COPG2: variants seen among roughly 807,000 people sequenced by gnomAD.
COPG2 encodes coat protein complex I subunit gamma 2.
A neutral mutation model predicts 46.3 loss-of-function variants in COPG2; 37 were observed. The observed-to-expected ratio is 0.80, with a 90% CI of 0.61 to 1.05. The LOEUF (loss-of-function observed/expected upper bound fraction) is 1.05. Ranked by LOEUF, COPG2 falls within the 50% of genes least tolerant of loss-of-function variation. The pLI is 0.00. For synonymous variants in COPG2, 159 were observed against 129.7 expected, an observed-to-expected ratio of 1.23 and a Z score of -1.53; for missense variants, 427 against 387.8, an observed-to-expected ratio of 1.10 and a Z score of -0.85.
chr7:130,530,842 A>C (rs1395869937), intron 20 of COPG2, among the ~76,000 whole-genome samples: 8 of 151,866 alleles, frequency 5.3e-5, no homozygotes, highest in African/African-American at 1.9e-4. Context: ...GGACAGCCAC[A>C]GGTGGAGTGA....
intron 5 of COPG2, among the ~76,000 whole-genome samples, chr7:130,644,901 A>G (rs1479299803): frequency 6.6e-6 from 1 of 151,866 alleles, no homozygotes; most frequent in Non-Finnish European, 1.5e-5. Flanking sequence ...TTCTCTACTA[A>G]AAATACAAAA....
chr7:130,634,928 T>C (rs1795305552), intron 5 of COPG2, among the ~76,000 whole-genome samples: 1 of 151,702 alleles, frequency 6.6e-6, no homozygotes, highest in Non-Finnish European at 1.5e-5. Context: ...AAGGGGTGTT[T>C]AATTTTATCA....
chr7:130,557,827 A>AAAAAAC (rs1793653537), intron 12 of COPG2, among the ~76,000 whole-genome samples: 2 of 147,314 alleles, frequency 1.4e-5, no homozygotes, highest in African/African-American at 5.0e-5. Flanking sequence ...CAAAAAAAAA[A>AAAAAAC]AAAAAAAAAA....
At chr7:130,620,608 A>G (rs2129905) in intron 5 of COPG2, among the ~76,000 whole-genome samples, 64,453 of 152,034 alleles carry the variant, frequency 0.42, 16,577 homozygotes, top group East Asian at 0.59. Context: ...CTGTCCCACC[A>G]CAGTATTTTA....
intron 4 of COPG2, among the ~76,000 whole-genome samples, chr7:130,659,320 A>G (rs1323677815): frequency 1.4e-5 from 2 of 138,586 alleles, no homozygotes; most frequent in Admixed American, 7.5e-5. Context: ...ATGCCATTGC[A>G]CTCCAGCCTG....
intron 14 of COPG2, among the ~76,000 whole-genome samples, chr7:130,553,245 A>T (rs2116390029): frequency 6.6e-6 from 1 of 152,348 alleles, no homozygotes; most frequent in South Asian, 2.1e-4. Context: ...GACTGGCAAT[A>T]AAACAAAATT....
At chr7:130,601,049 A>C (rs1357867849) in intron 9 of COPG2, among the ~76,000 whole-genome samples, 1 of 152,254 alleles carries the variant, frequency 6.6e-6, no homozygotes, top group African/African-American at 2.4e-5. Context: ...TGCTGTGAGA[A>C]CATTCAGGCA....
At chr7:130,513,359 G>GTGTGTGTGTGTA (rs1282542780) in intron 20 of COPG2, among the ~76,000 whole-genome samples, 3 of 36,680 alleles carry the variant, frequency 8.2e-5, no homozygotes, top group African/African-American at 1.9e-4. Context: ...GTGTGTGTGT[G>GTGTGTGTGTGTA]TATATATATA....
At position 130,641,026 on chromosome 7, in the gene COPG2, TA is replaced by T. The variant is rs200500040; in HGVS notation, c.323+11842del. Among the ~76,000 whole-genome samples, 794 of 146,004 alleles carry T rather than the reference TA, an allele frequency of 5.4e-3. 20 individuals carry two copies. The South Asian group carries it at 0.064, about 12-fold the overall frequency. On this transcript the variant is annotated intron_variant, in intron 5 of 23. Transcript: ENST00000425248. ...TATATTAAAATACTAGAACAGAGGT[TA>T]AAAAAAAAAATCAAGTGTTAGAACA...
chr7:130,531,838 T>TG (rs1183263949), intron 20 of COPG2, among the ~76,000 whole-genome samples: 101 of 40,002 alleles, frequency 2.5e-3, no homozygotes, highest in Admixed American at 3.6e-3. Flanking sequence ...TTATCTGGGA[T>TG]GGGGGGGTGG....
intron 9 of COPG2, among the ~76,000 whole-genome samples, chr7:130,578,025 A>G (rs1419874571): frequency 6.6e-6 from 1 of 152,242 alleles, no homozygotes; most frequent in Non-Finnish European, 1.5e-5. Context: ...CTGCCTCTGT[A>G]GGCTCCACCT....
chr7:130,664,095 T>A (rs1554461115), intron 3 of COPG2, among the ~76,000 whole-genome samples: 2 of 152,174 alleles, frequency 1.3e-5, no homozygotes, highest in African/African-American at 4.8e-5. Flanking sequence ...CTACATTTTC[T>A]GAGCAGTGAA....
At chr7:130,576,605 A>T (rs1483978579) in intron 9 of COPG2, among the ~76,000 whole-genome samples, 1 of 152,210 alleles carries the variant, frequency 6.6e-6, no homozygotes, top group Non-Finnish European at 1.5e-5. Context: ...TCAAAAGCTC[A>T]AAAGTTCAAA....
At chr7:130,587,763 C>T (rs1173621478) in intron 9 of COPG2, among the ~76,000 whole-genome samples, 1 of 152,036 alleles carries the variant, frequency 6.6e-6, no homozygotes, top group Non-Finnish European at 1.5e-5. Flanking sequence ...ACACCAAAAG[C>T]AATGGCAACA....
chr7:130,662,943 TAAAA>T lies in COPG2; in HGVS notation c.243+20_243+23del. ...ATAAATAAAAGGAGGTTTTTCATCG[TAAAA>T]AAAATTTAAAAAGACTTACATCATT... On this transcript the variant is annotated intron_variant, in intron 4 of 23. Transcript: ENST00000425248. The T allele has an allele frequency of 7.0e-7, 1 of 1,431,326 alleles. No individual in the cohort carries two copies. Among genetic ancestry groups the T allele is most frequent in the East Asian group, 2.5e-5 (1 of 40,386 alleles). 88.7% of individuals were successfully genotyped at this position (1,431,326 alleles called of 1,614,324 possible). A position where few individuals can be genotyped will look rare whatever the true frequency, so the allele number is the denominator to read the frequency against.
intron 5 of COPG2, 108 bp downstream of exon 5, chr7:130,652,761 T>C (rs1795773399): frequency 2.7e-6 from 2 of 731,102 alleles, no homozygotes; most frequent in Non-Finnish European, 4.7e-6. Flanking sequence ...TAAGATATTA[T>C]ATTCTTTTAA....
chr7:130,595,047 TA>T (rs1451239174), intron 9 of COPG2, among the ~76,000 whole-genome samples: 1 of 152,154 alleles, frequency 6.6e-6, no homozygotes, highest in African/African-American at 2.4e-5. Flanking sequence ...TATTGTCACA[TA>T]AAAAATTACA....
intron 20 of COPG2, among the ~76,000 whole-genome samples, chr7:130,532,471 G>A (rs1225379700): frequency 2.0e-5 from 3 of 152,078 alleles, no homozygotes; most frequent in Non-Finnish European, 2.9e-5. Context: ...GAGGAGGGTG[G>A]GACTGACAGG....
At chr7:130,530,230 C>T (rs1799811071) in intron 20 of COPG2, among the ~76,000 whole-genome samples, 1 of 151,962 alleles carries the variant, frequency 6.6e-6, no homozygotes, top group East Asian at 1.9e-4. Context: ...TGATGGGGAG[C>T]AGATGGGCAG....
Sources: gnomAD v4.1 joint callset for allele counts (sites outside exome capture counted in the v4.1 genomes callset) on GRCh38, gnomAD v4.1.1 for gene constraint, MANE v1.5 for transcripts, NCBI Gene and HGNC (gene_info 2026-07-23, HGNC 2026-07-21) for gene names.